Variants in CELF4 observed in about 807,000 individuals in gnomAD.
CELF4 encodes CUGBP Elav-like family member 4.
In CELF4, 18 loss-of-function variants were observed where a neutral mutation model predicts 59.9. The ratio of observed to expected loss-of-function variants is 0.30; its 90% CI spans 0.21 to 0.45. CELF4 has a LOEUF of 0.45. CELF4 is among the 20% of genes least tolerant of loss of function. The probability of loss-of-function intolerance (pLI) is 1.00; values close to 1 mark genes in which losing one functional copy is unlikely to be tolerated. For missense variants in CELF4, 456 were observed against 689.0 expected, an observed-to-expected ratio of 0.66 and a Z score of 3.79; for synonymous variants, 261 against 267.1, an observed-to-expected ratio of 0.98 and a Z score of 0.22.
At chr18:37,545,156 C>A (rs1408585723) in intron 1 of CELF4, among the ~76,000 whole-genome samples, 1 of 152,220 alleles carries the variant, frequency 6.6e-6, no homozygotes, top group African/African-American at 2.4e-5. Flanking sequence ...CACCAGTGCC[C>A]AACAGCAGCT....
intron 8 of CELF4, among the ~76,000 whole-genome samples, chr18:37,268,833 G>A (rs1002053423): frequency 9.9e-5 from 15 of 152,260 alleles, no homozygotes; most frequent in Admixed American, 4.6e-4. Flanking sequence ...TCCAAACTCC[G>A]CATTTAAAGA....
intron 2 of CELF4, among the ~76,000 whole-genome samples, chr18:37,478,075 G>A (rs2099855437): frequency 1.3e-5 from 2 of 152,172 alleles, no homozygotes; most frequent in South Asian, 4.2e-4. Flanking sequence ...GTCGGGTAGT[G>A]GAGAGCAGGA....
Position 37,321,900 on chromosome 18 carries a change from G to A in CELF4, c.370-19C>T. 4.4e-6 allele frequency: 7 copies of A among 1,607,406 alleles called. No homozygotes were observed. The highest frequency in any genetic ancestry group is 6.0e-6 in the Non-Finnish European group (7 of 1,175,562). ...GGTTCATCTGCAACAGAGCAGAGGGGGACAGCATTATAGCAGGCCTGCGGG... is the reference window on the plus strand; with the variant it reads ...GGTTCATCTGCAACAGAGCAGAGGGAGACAGCATTATAGCAGGCCTGCGGG... On this transcript the variant is annotated intron_variant, in intron 2 of 12. Coordinates refer to ENST00000420428, the MANE Select transcript of CELF4 (RefSeq NM_020180.4).
chr18:37,487,903 C>CAA (rs988105611), intron 1 of CELF4, among the ~76,000 whole-genome samples: 1 of 152,072 alleles, frequency 6.6e-6, no homozygotes, highest in African/African-American at 2.4e-5. Context: ...AGAGAGCTCA[C>CAA]AACTTTATTG....
At chr18:37,518,812 T>C (rs1413878997) in intron 1 of CELF4, among the ~76,000 whole-genome samples, 1 of 152,216 alleles carries the variant, frequency 6.6e-6, no homozygotes, top group Non-Finnish European at 1.5e-5. Flanking sequence ...TGTGGTTCCT[T>C]ACAGTTTTAG....
At chr18:37,322,347 G>C (rs894630573) in intron 2 of CELF4, among the ~76,000 whole-genome samples, 2 of 152,258 alleles carry the variant, frequency 1.3e-5, no homozygotes, top group African/African-American at 4.8e-5. Flanking sequence ...CTTGATCCCA[G>C]CCCGTACCAG....
At chr18:37,262,554 T>C (rs1475379740) in intron 10 of CELF4, among the ~76,000 whole-genome samples, 1 of 152,066 alleles carries the variant, frequency 6.6e-6, no homozygotes, top group Admixed American at 6.5e-5. Context: ...GTAGGGGCTG[T>C]CATGTGTGTT....
intron 2 of CELF4, among the ~76,000 whole-genome samples, chr18:37,423,911 T>C (rs950346649): frequency 3.9e-5 from 6 of 152,078 alleles, no homozygotes; most frequent in Non-Finnish European, 7.4e-5. Flanking sequence ...AGACTGGCTG[T>C]ACACCATGCC....
intron 2 of CELF4, among the ~76,000 whole-genome samples, chr18:37,420,550 G>C (rs1343728548): frequency 6.6e-6 from 1 of 152,224 alleles, no homozygotes; most frequent in Non-Finnish European, 1.5e-5. Flanking sequence ...ACTGGGTGGA[G>C]GGGCACTCTG....
At chr18:37,397,064 G>A (rs1328467751) in intron 2 of CELF4, among the ~76,000 whole-genome samples, 1 of 152,110 alleles carries the variant, frequency 6.6e-6, no homozygotes, top group East Asian at 1.9e-4. Flanking sequence ...GGGGGGAGGT[G>A]AGCGGATGGC....
chr18:37,334,155 G>A (rs947587278), intron 2 of CELF4, among the ~76,000 whole-genome samples: 3 of 152,162 alleles, frequency 2.0e-5, no homozygotes, highest in Admixed American at 6.5e-5. Flanking sequence ...ATCCAGGATG[G>A]CCAGTTCTAG....
intron 3 of CELF4, among the ~76,000 whole-genome samples, chr18:37,305,121 T>C (rs925885360): frequency 1.3e-5 from 2 of 152,154 alleles, no homozygotes; most frequent in Non-Finnish European, 2.9e-5. Context: ...TACAGTGTTA[T>C]TAAACTAAAG....
intron 11 of CELF4, among the ~76,000 whole-genome samples, chr18:37,258,681 G>A (rs776547446): frequency 1.1e-4 from 17 of 152,260 alleles, no homozygotes; most frequent in Middle Eastern, 3.4e-3. Context: ...GGGGTGGGCA[G>A]GAGAGGGGCC....
rs2099819252 is a variant in CELF4, at chr18:37,470,857, TG to T, written c.369+14667del. Among the ~76,000 whole-genome samples, 7 of 120,530 alleles carry T rather than the reference TG, an allele frequency of 5.8e-5. No individual in the cohort carries two copies. The Admixed American group carries it at 6.8e-4, about 12-fold the overall frequency. The allele number at this position is 120,530 out of a possible 152,430, so 79.1% of individuals were successfully genotyped here. ...GACTCTGTGTGTGTGTGTGTGTGTG[TG>T]TGTGTGTGTGTGTGTGTGTGTGTGT... On this transcript the variant is annotated intron_variant, in intron 2 of 12. Transcript: ENST00000420428.
chr18:37,414,361 T>C (rs1288421877), intron 2 of CELF4, among the ~76,000 whole-genome samples: 2 of 151,904 alleles, frequency 1.3e-5, no homozygotes, highest in African/African-American at 4.8e-5. Flanking sequence ...CATCCACCTA[T>C]CCATCTACGC....
intron 6 of CELF4, chr18:37,273,951 G>T (rs2092435235): frequency 2.7e-6 from 3 of 1,108,704 alleles, no homozygotes; most frequent in Non-Finnish European, 3.3e-6. Context: ...GAGTAGGGGT[G>T]GTTTGCAACC....
At chr18:37,504,622 T>C (rs1481903275) in intron 1 of CELF4, among the ~76,000 whole-genome samples, 1 of 152,166 alleles carries the variant, frequency 6.6e-6, no homozygotes, top group East Asian at 1.9e-4. Flanking sequence ...AGAACACACA[T>C]GCCTGGTGTA....
chr18:37,507,358 CA>C (rs2099939277), intron 1 of CELF4, among the ~76,000 whole-genome samples: 1 of 152,118 alleles, frequency 6.6e-6, no homozygotes, highest in South Asian at 2.1e-4. Context: ...ACAGAAATCT[CA>C]CCTCTCTCTG....
At chr18:37,562,242 C>G (rs930938143) in intron 1 of CELF4, among the ~76,000 whole-genome samples, 1 of 152,230 alleles carries the variant, frequency 6.6e-6, no homozygotes, top group Non-Finnish European at 1.5e-5. Context: ...AAGGTGCACT[C>G]TACGCATGGC....
Sources: allele counts gnomAD v4.1 joint callset (sites outside exome capture counted in the v4.1 genomes callset), GRCh38; gene constraint gnomAD v4.1.1; transcripts MANE v1.5; gene names NCBI Gene and HGNC (gene_info 2026-07-23, HGNC 2026-07-21).